Variants in CSMD1 observed in about 807,000 individuals in gnomAD.
CSMD1 encodes CUB and Sushi multiple domains 1.
A neutral mutation model predicts 417.5 loss-of-function variants in CSMD1; 213 were observed. The ratio of observed to expected loss-of-function variants is 0.51; its 90% CI spans 0.46 to 0.57. The LOEUF is 0.57. Ranked by LOEUF, CSMD1 falls within the 20% of genes least tolerant of loss-of-function variation. The pLI is 0.00. For missense variants in CSMD1, 6,923 were observed against 4,529.7 expected (o/e 1.53, Z -15.17); for synonymous variants, 2,862 against 1,736.8 (o/e 1.65, Z -16.11).
chr8:3,868,620 T>G (rs551637768), intron 5 of CSMD1, among the ~76,000 whole-genome samples: 10 of 152,288 alleles, frequency 6.6e-5, no homozygotes, highest in Non-Finnish European at 8.8e-5. Flanking sequence ...GAACCTCACA[T>G]GCATATAAAC....
chr8:3,636,504 T>C (rs1797056282), intron 7 of CSMD1, among the ~76,000 whole-genome samples: 1 of 152,192 alleles, frequency 6.6e-6, no homozygotes, highest in Non-Finnish European at 1.5e-5. Context: ...TAGGAGTCTA[T>C]CTAAGCCAGT....
intron 2 of CSMD1, among the ~76,000 whole-genome samples, chr8:4,536,129 T>C (rs1448919050): frequency 6.6e-6 from 1 of 152,206 alleles, no homozygotes; most frequent in Non-Finnish European, 1.5e-5. Context: ...TTGACAAGGT[T>C]CCTTTCTGTA....
chr8:3,711,639 C>T (rs924336868), intron 6 of CSMD1, among the ~76,000 whole-genome samples: 2 of 152,138 alleles, frequency 1.3e-5, no homozygotes, highest in South Asian at 2.1e-4. Flanking sequence ...AAAGGGAACA[C>T]GAGATGGGGT....
At chr8:3,058,392 T>C (rs1428052892) in intron 49 of CSMD1, among the ~76,000 whole-genome samples, 1 of 152,182 alleles carries the variant, frequency 6.6e-6, no homozygotes, top group Admixed American at 6.5e-5. Flanking sequence ...AGTAAATATA[T>C]ACAAATATTT....
chr8:3,665,535 A>G (rs1798644110), intron 7 of CSMD1, among the ~76,000 whole-genome samples: 1 of 152,140 alleles, frequency 6.6e-6, no homozygotes, highest in African/African-American at 2.4e-5. Flanking sequence ...TCTCAAAGAT[A>G]TATATATTTG....
chr8:4,757,828 G>A (rs575004624), intron 1 of CSMD1, among the ~76,000 whole-genome samples: 60 of 151,546 alleles, frequency 4.0e-4, no homozygotes, highest in Admixed American at 1.3e-3. Context: ...GCACGGTGGC[G>A]CACACCTGTA....
At chr8:3,607,026 T>G (rs1458656844) in intron 8 of CSMD1, among the ~76,000 whole-genome samples, 1 of 152,156 alleles carries the variant, frequency 6.6e-6, no homozygotes, top group Admixed American at 6.6e-5. Context: ...GTTACAGTTT[T>G]TAACTTGTGA....
chr8:3,694,269 C>T (rs867360276), intron 7 of CSMD1, among the ~76,000 whole-genome samples: 1 of 152,040 alleles, frequency 6.6e-6, no homozygotes, highest in Admixed American at 6.6e-5. Context: ...CCTGGTCATG[C>T]TCAGGGGTCC....
intron 26 of CSMD1, among the ~76,000 whole-genome samples, chr8:3,274,586 G>C (rs1442052937): frequency 6.6e-6 from 1 of 152,018 alleles, no homozygotes; most frequent in Non-Finnish European, 1.5e-5. Context: ...GGTCACTCAG[G>C]ACTTGCTTTA....
At chr8:4,582,450 G>C (rs1799467566) in intron 2 of CSMD1, among the ~76,000 whole-genome samples, 1 of 152,158 alleles carries the variant, frequency 6.6e-6, no homozygotes, top group Non-Finnish European at 1.5e-5. Context: ...AAAACACAGA[G>C]TGGTGAGCCC....
chr8:3,669,192 T>C (rs1420776972), intron 7 of CSMD1, among the ~76,000 whole-genome samples: 1 of 152,222 alleles, frequency 6.6e-6, no homozygotes, highest in African/African-American at 2.4e-5. Context: ...ATGTTTTAAT[T>C]GAAAGGCTAG....
At chr8:4,009,508 A>G (rs1816383142) in intron 4 of CSMD1, among the ~76,000 whole-genome samples, 2 of 152,384 alleles carry the variant, frequency 1.3e-5, no homozygotes, top group South Asian at 2.1e-4. Flanking sequence ...CCAAGCATTT[A>G]TAATATTCCT....
intron 5 of CSMD1, among the ~76,000 whole-genome samples, chr8:3,899,729 G>T (rs892431917): frequency 6.6e-6 from 1 of 152,122 alleles, no homozygotes; most frequent in Non-Finnish European, 1.5e-5. Context: ...TAGGCTGGCT[G>T]AGGTTAGCAG....
chr8:3,909,489 G>A (rs1411713282), intron 5 of CSMD1, among the ~76,000 whole-genome samples: 2 of 152,116 alleles, frequency 1.3e-5, no homozygotes, highest in Non-Finnish European at 2.9e-5. Flanking sequence ...AATATCCAGA[G>A]AGCTTTCTCC....
At chr8:3,962,158 T>A (rs940883363) in intron 5 of CSMD1, among the ~76,000 whole-genome samples, 1 of 152,122 alleles carries the variant, frequency 6.6e-6, no homozygotes, top group African/African-American at 2.4e-5. Flanking sequence ...ACCTACTTCA[T>A]AGACCTGCTC....
chr8:4,437,776 G>A (rs956374435), intron 2 of CSMD1, among the ~76,000 whole-genome samples: 1 of 152,146 alleles, frequency 6.6e-6, no homozygotes, highest in Admixed American at 6.6e-5. Flanking sequence ...AGAGATCTTT[G>A]AGTTGTCTCT....
intron 7 of CSMD1, among the ~76,000 whole-genome samples, chr8:3,690,277 G>A (rs761696452): frequency 1.3e-5 from 2 of 152,178 alleles, no homozygotes; most frequent in South Asian, 2.1e-4. Context: ...CAGAAGGATC[G>A]TTTGAGCCCA....
intron 25 of CSMD1, among the ~76,000 whole-genome samples, chr8:3,287,461 A>C (rs143807788): frequency 0.063 from 9,585 of 152,046 alleles, 576 homozygotes; most frequent in African/African-American, 0.16. Context: ...ATTTGTTTGT[A>C]TCCTCTTTTA....
At chr8:4,602,434 T>C (rs1317112654) in intron 2 of CSMD1, among the ~76,000 whole-genome samples, 1 of 152,130 alleles carries the variant, frequency 6.6e-6, no homozygotes, top group Non-Finnish European at 1.5e-5. Context: ...GTTGTTGAAA[T>C]ATTTATAAGG....
Sources: gnomAD v4.1 joint callset for allele counts (sites outside exome capture counted in the v4.1 genomes callset) on GRCh38, gnomAD v4.1.1 for gene constraint, MANE v1.5 for transcripts, NCBI Gene and HGNC (gene_info 2026-07-23, HGNC 2026-07-21) for gene names.